Variants in CPA6 observed in about 807,000 individuals in gnomAD.
CPA6 encodes carboxypeptidase B.
A neutral mutation model predicts 63.3 loss-of-function variants in CPA6; 58 were observed. The observed-to-expected ratio is 0.92, with a 90% confidence interval of 0.74 to 1.14. The LOEUF is 1.14. Among genes scored for constraint, CPA6 ranks in the 50% most tolerant of loss-of-function variants. The pLI, the probability that CPA6 is intolerant of heterozygous loss-of-function variation, is 0.00. For synonymous variants in CPA6, 185 were observed against 179.0 expected, an observed-to-expected ratio of 1.03 and a Z score of -0.27; for missense variants, 565 against 526.6, an observed-to-expected ratio of 1.07 and a Z score of -0.71.
At chr8:67,730,812 T>C (rs543576449) in intron 1 of CPA6, among the ~76,000 whole-genome samples, 5 of 152,320 alleles carry the variant, frequency 3.3e-5, no homozygotes, top group Admixed American at 2.0e-4. Context: ...TGACTTTCCA[T>C]TGTCCCATAC....
intron 7 of CPA6, among the ~76,000 whole-genome samples, 156 bp downstream of exon 7, chr8:67,484,523 G>C (rs73262685): frequency 0.11 from 16,211 of 152,140 alleles, 2,271 homozygotes; most frequent in African/African-American, 0.32. Flanking sequence ...CTAATTGTTG[G>C]TGCTCTGATT....
chr8:67,612,810 C>A (rs986207431), intron 2 of CPA6, among the ~76,000 whole-genome samples: 1 of 152,120 alleles, frequency 6.6e-6, no homozygotes, highest in Admixed American at 6.5e-5. Context: ...ATATGCATCC[C>A]TAATAGCTGT....
chr8:67,506,016 G>A (rs2128964631), intron 6 of CPA6, among the ~76,000 whole-genome samples: 1 of 151,516 alleles, frequency 6.6e-6, no homozygotes, highest in South Asian at 2.1e-4. Context: ...GGTTTTCTTT[G>A]ATGTTTCCCA....
chr8:67,581,641 G>T (rs547024479), intron 2 of CPA6, among the ~76,000 whole-genome samples: 1 of 152,188 alleles, frequency 6.6e-6, no homozygotes, highest in Non-Finnish European at 1.5e-5. Flanking sequence ...AAGGATGATA[G>T]AGAAATACAC....
At chr8:67,588,547 A>G (rs1814011304) in intron 2 of CPA6, among the ~76,000 whole-genome samples, 2 of 152,206 alleles carry the variant, frequency 1.3e-5, no homozygotes, top group African/African-American at 4.8e-5. Context: ...GAGGGCTAAA[A>G]TAAATGTAAT....
chr8:67,598,199 C>A (rs1399995633), intron 2 of CPA6, among the ~76,000 whole-genome samples: 1 of 152,176 alleles, frequency 6.6e-6, no homozygotes, highest in Non-Finnish European at 1.5e-5. Flanking sequence ...ATTTTTAGGT[C>A]AGCAAACACC....
chr8:67,520,578 A>G (rs1812238355), intron 2 of CPA6, among the ~76,000 whole-genome samples: 2 of 152,248 alleles, frequency 1.3e-5, no homozygotes, highest in Admixed American at 1.3e-4. Flanking sequence ...GCAGGTGCCT[A>G]TAGAAGACTT....
At chr8:67,684,612 C>A (rs1211121072) in intron 1 of CPA6, among the ~76,000 whole-genome samples, 2 of 152,164 alleles carry the variant, frequency 1.3e-5, no homozygotes, top group African/African-American at 4.8e-5. Flanking sequence ...GCCTGGAAAT[C>A]TGGGCTTCCG....
chr8:67,663,465 A>G (rs749227120), intron 1 of CPA6, among the ~76,000 whole-genome samples: 2 of 152,106 alleles, frequency 1.3e-5, no homozygotes, highest in African/African-American at 4.8e-5. Context: ...CTATCAACTC[A>G]TCACCTAGGT....
intron 1 of CPA6, among the ~76,000 whole-genome samples, chr8:67,655,099 G>A (rs1473567178): frequency 6.6e-6 from 1 of 152,114 alleles, no homozygotes; most frequent in Non-Finnish European, 1.5e-5. Context: ...CATGTAAAAT[G>A]GTCTGGAGTG....
intron 8 of CPA6, among the ~76,000 whole-genome samples, chr8:67,444,832 T>C (rs935973813): frequency 6.6e-6 from 1 of 150,474 alleles, no homozygotes; most frequent in Non-Finnish European, 1.5e-5. Flanking sequence ...CTGTGGGGAA[T>C]ATCAGTATTT....
Position 67,638,817 on chromosome 8 carries a change from G to T in CPA6, c.117-14566C>A, listed in dbSNP as rs367627967. ...TGTCCTCAGTTTCTTTCATTTCCTT[G>T]CAGATGTTGTTTGTGAGAGTACTCC... is the stretch of plus-strand genomic sequence containing the variant. On this transcript the variant is annotated intron_variant, in intron 1 of 10. Coordinates refer to ENST00000297770, the MANE Select transcript of CPA6 (RefSeq NM_020361.5). Among the ~76,000 whole-genome samples, 6 of 151,474 alleles carry T rather than the reference G, an allele frequency of 4.0e-5. 1 individual carries two copies. The East Asian group carries it at 5.8e-4, about 15-fold the overall frequency.
At chr8:67,672,558 A>G (rs143674851) in intron 1 of CPA6, among the ~76,000 whole-genome samples, 102 of 152,174 alleles carry the variant, frequency 6.7e-4, no homozygotes, top group African/African-American at 2.3e-3. Context: ...GTCAAATCCA[A>G]CCATGTCTCT....
At chr8:67,659,568 T>C (rs1257137765) in intron 1 of CPA6, among the ~76,000 whole-genome samples, 1 of 152,238 alleles carries the variant, frequency 6.6e-6, no homozygotes, top group Admixed American at 6.5e-5. Flanking sequence ...TCTTCCAATC[T>C]CTTTCAGAGT....
chr8:67,604,775 G>A (rs1814585248), intron 2 of CPA6, among the ~76,000 whole-genome samples: 1 of 148,918 alleles, frequency 6.7e-6, no homozygotes, highest in Non-Finnish European at 1.5e-5. Flanking sequence ...TCAACTTTGC[G>A]TTTTGTTTGT....
chr8:67,456,552 A>G (rs542348500), intron 8 of CPA6, among the ~76,000 whole-genome samples: 45 of 152,358 alleles, frequency 3.0e-4, no homozygotes, highest in Non-Finnish European at 5.3e-4. Context: ...TAATTTTGCT[A>G]AAATGCAAAT....
At chr8:67,459,730 C>T (rs897585697) in intron 8 of CPA6, among the ~76,000 whole-genome samples, 4 of 152,150 alleles carry the variant, frequency 2.6e-5, no homozygotes, top group African/African-American at 9.7e-5. Flanking sequence ...AGAATGAATT[C>T]CAGTGTAAAC....
At chr8:67,576,866 CTT>C (rs34550495) in intron 2 of CPA6, among the ~76,000 whole-genome samples, 12 of 141,986 alleles carry the variant, frequency 8.5e-5, no homozygotes, top group African/African-American at 7.8e-5. Flanking sequence ...GTCTTAGAAA[CTT>C]TTTTTTTTTT....
At chr8:67,646,753 G>A (rs977186437) in intron 1 of CPA6, among the ~76,000 whole-genome samples, 1 of 152,114 alleles carries the variant, frequency 6.6e-6, no homozygotes, top group East Asian at 1.9e-4. Flanking sequence ...GAGCCTGCAG[G>A]GGAAGATTTG....
Sources: gnomAD v4.1 joint callset for allele counts (sites outside exome capture counted in the v4.1 genomes callset) on GRCh38, gnomAD v4.1.1 for gene constraint, MANE v1.5 for transcripts, NCBI Gene and HGNC (gene_info 2026-07-23, HGNC 2026-07-21) for gene names.